RAD50: variants seen among roughly 807,000 people sequenced by gnomAD.
RAD50 encodes the protein DNA repair protein RAD50.
In RAD50, 132 loss-of-function variants were observed where a neutral mutation model predicts 168.8. That is an observed-to-expected ratio of 0.78 (90% CI 0.68 to 0.90). The LOEUF is 0.90. RAD50 is among the 40% of genes least tolerant of loss of function. The probability of loss-of-function intolerance (pLI) is 0.00; values close to 1 mark genes in which losing one functional copy is unlikely to be tolerated. For missense variants in RAD50, 1,347 were observed against 1,534.4 expected (o/e 0.88, Z 2.04); for synonymous variants, 525 against 497.4 (o/e 1.06, Z -0.74).
At chr5:132,589,242 T>G (rs1215721757) in intron 8 of RAD50, among the ~76,000 whole-genome samples, 1 of 152,226 alleles carries the variant, frequency 6.6e-6, no homozygotes, top group African/African-American at 2.4e-5. Flanking sequence ...TATTTGACAT[T>G]GGTCCCATAA....
intron 20 of RAD50, among the ~76,000 whole-genome samples, chr5:132,617,312 C>G (rs1751196143): frequency 6.6e-6 from 1 of 152,176 alleles, no homozygotes; most frequent in Non-Finnish European, 1.5e-5. Flanking sequence ...ATTCACATTA[C>G]TAAGTACAAC....
chr5:132,605,848 A>G (rs989591339), intron 16 of RAD50, among the ~76,000 whole-genome samples: 13 of 152,186 alleles, frequency 8.5e-5, no homozygotes, highest in Non-Finnish European at 1.6e-4. Flanking sequence ...CACAACTACA[A>G]GGAAACTGAA....
intron 21 of RAD50, among the ~76,000 whole-genome samples, chr5:132,633,046 C>G (rs548555287): frequency 2.3e-4 from 35 of 151,106 alleles, no homozygotes; most frequent in Non-Finnish European, 4.3e-4. Context: ...ACATACATTG[C>G]AAGTACCTAT....
At chr5:132,639,712 C>T (rs915321428) in intron 23 of RAD50, among the ~76,000 whole-genome samples, 6 of 152,174 alleles carry the variant, frequency 3.9e-5, no homozygotes, top group African/African-American at 1.4e-4. Flanking sequence ...GCCTACCTAA[C>T]ACTGGCTTTT....
intron 21 of RAD50, among the ~76,000 whole-genome samples, chr5:132,629,444 C>T (rs1288351494): frequency 6.6e-6 from 1 of 152,012 alleles, no homozygotes; most frequent in African/African-American, 2.4e-5. Context: ...TGGAGCCTGG[C>T]GGGGTGGAGA....
intron 2 of RAD50, among the ~76,000 whole-genome samples, chr5:132,573,516 G>C (rs997656273): frequency 6.6e-6 from 1 of 152,144 alleles, no homozygotes; most frequent in Non-Finnish European, 1.5e-5. Context: ...TGAGATTTGA[G>C]TGGAGACACA....
intron 21 of RAD50, among the ~76,000 whole-genome samples, chr5:132,620,283 T>C (rs1200320639): frequency 6.6e-6 from 1 of 152,196 alleles, no homozygotes; most frequent in East Asian, 1.9e-4. Context: ...AAGTTGAATT[T>C]TTTCCGTTAT....
chr5:132,639,837 T>C (rs73261636), intron 23 of RAD50, among the ~76,000 whole-genome samples: 9,705 of 152,264 alleles, frequency 0.064, 1,011 homozygotes, highest in African/African-American at 0.22. Flanking sequence ...AGGGCCAAGC[T>C]GTGGCCCTGT....
In RAD50 at chr5:132,620,839, C is replaced by A. The variant is rs192819666; in HGVS notation, c.3389+2545C>A. 9.7e-4 allele frequency among the ~76,000 whole-genome samples: 148 copies of A among 152,226 alleles called. 1 individual carries two copies. The highest frequency in any genetic ancestry group is 3.5e-3 in the African/African-American group (145 of 41,536). On this transcript the variant is annotated intron_variant, in intron 21 of 24. Transcript: ENST00000378823. ...TGTTATGTGTATTATATGCAGTATTCTTTCACAATAAAGTAAACTGGAGAC... is the reference window on the plus strand; with the variant it reads ...TGTTATGTGTATTATATGCAGTATTATTTCACAATAAAGTAAACTGGAGAC...
chr5:132,607,893 A>G (rs1179508015), intron 16 of RAD50, among the ~76,000 whole-genome samples: 1 of 152,240 alleles, frequency 6.6e-6, no homozygotes, highest in East Asian at 1.9e-4. Flanking sequence ...TTCACTCAGT[A>G]CTTCAGAATC....
At chr5:132,560,399 T>C (rs1397824515) in intron 2 of RAD50, among the ~76,000 whole-genome samples, 2 of 152,198 alleles carry the variant, frequency 1.3e-5, no homozygotes, top group African/African-American at 4.8e-5. Flanking sequence ...TATGAAAATA[T>C]TTATGAATTT....
intron 2 of RAD50, among the ~76,000 whole-genome samples, chr5:132,562,231 A>G (rs771387979): frequency 8.5e-5 from 13 of 152,190 alleles, no homozygotes; most frequent in South Asian, 2.1e-4. Flanking sequence ...GAATCTGTCT[A>G]TTGGGAGATT....
intron 5 of RAD50, 88 bp from the exon 6 acceptor site, chr5:132,587,474 C>T (rs1357755373): frequency 3.2e-6 from 5 of 1,545,426 alleles, no homozygotes; most frequent in Non-Finnish European, 4.4e-6. Context: ...TTACTAAATG[C>T]CTGGACCTGG....
At position 132,604,030 on chromosome 5, in the gene RAD50, G is replaced by A. The variant is rs878854791; in HGVS notation, c.2508G>A (p.Gln836=). ...TCAACCAGGAGAAACAAGAGAAACA[G>A]CACAAGTTAGACACAGGTAATACAG... is the stretch of plus-strand genomic sequence containing the variant. The part of the protein sequence containing the change: ...QQVNQEKQEK[Q]HKLDTVSSKI... Residue 836 remains glutamine, a synonymous_variant, in exon 15 of 25, where the codon CAG becomes CAA. Transcript: ENST00000378823. 3.1e-6 allele frequency: 5 copies of A among 1,613,528 alleles called. No homozygotes were observed. The African/African-American group carries it at 6.7e-5, about 22-fold the overall frequency.
chr5:132,597,962 T>C (rs549274094), intron 13 of RAD50, among the ~76,000 whole-genome samples: 12 of 152,086 alleles, frequency 7.9e-5, no homozygotes, highest in African/African-American at 2.7e-4. Flanking sequence ...GTAGTAGAAA[T>C]ATGAGCTTAG....
At position 132,618,381 on chromosome 5, in the gene RAD50, T is replaced by A; in HGVS notation, c.3389+87T>A. 6.5e-6 allele frequency: 10 copies of A among 1,548,862 alleles called. 1 individual carries two copies. The South Asian group carries it at 1.2e-4, about 19-fold the overall frequency. On this transcript the variant is annotated intron_variant, in intron 21 of 24. Coordinates refer to ENST00000378823, the MANE Select transcript of RAD50 (RefSeq NM_005732.4). ...CTTTTCTCTCATTTTTTTCTTTTTT[T>A]CTTTTTTATTTTTTGAGACAGAGTT...
intron 13 of RAD50, among the ~76,000 whole-genome samples, chr5:132,596,362 C>G (rs1199176244): frequency 6.6e-6 from 1 of 152,118 alleles, no homozygotes; most frequent in Non-Finnish European, 1.5e-5. Flanking sequence ...GTGTTTAATT[C>G]CCAAGACTTA....
intron 13 of RAD50, among the ~76,000 whole-genome samples, chr5:132,599,799 T>C (rs1750855707): frequency 6.6e-6 from 1 of 152,048 alleles, no homozygotes; most frequent in African/African-American, 2.4e-5. Context: ...AAATTCCAAC[T>C]CTGCTGGGTG....
At chr5:132,558,578 G>A (rs1334251249) in intron 1 of RAD50, among the ~76,000 whole-genome samples, 1 of 152,074 alleles carries the variant, frequency 6.6e-6, no homozygotes, top group Non-Finnish European at 1.5e-5. Context: ...AGGCGTGGTG[G>A]CGCATGCCTG....
Sources: gnomAD v4.1 joint callset for allele counts (sites outside exome capture counted in the v4.1 genomes callset) on GRCh38, gnomAD v4.1.1 for gene constraint, MANE v1.5 for transcripts, NCBI Gene and HGNC (gene_info 2026-07-23, HGNC 2026-07-21) for gene names.